The following SLC51A variants were observed in gnomAD, a reference collection of about 807,000 sequenced individuals.
SLC51A encodes the protein solute carrier family 51 member A.
In SLC51A, 22 loss-of-function variants were observed where a neutral mutation model predicts 34.8. The observed-to-expected ratio is 0.63, with a 90% confidence interval of 0.45 to 0.90. The LOEUF is 0.90. Ranked by LOEUF, SLC51A falls within the 40% of genes least tolerant of loss-of-function variation. The pLI, the probability that SLC51A is intolerant of heterozygous loss-of-function variation, is 0.00. For synonymous variants in SLC51A, 181 were observed against 176.3 expected (o/e 1.03, Z -0.21); for missense variants, 371 against 414.8 (o/e 0.89, Z 0.92).
At chr3:196,223,857 C>CT (rs10578707) in intron 2 of SLC51A, 21,842 of 328,846 alleles carry the variant, frequency 0.066, 277 homozygotes, top group South Asian at 0.1. Flanking sequence ...TTTTTAATGC[C>CT]TTTTTTTTTT....
chr3:196,220,075 C>A (rs570344834), intron 2 of SLC51A, among the ~76,000 whole-genome samples: 1 of 152,152 alleles, frequency 6.6e-6, no homozygotes, highest in African/African-American at 2.4e-5. Context: ...CCCAGGGGAG[C>A]GAGGTCTGGC....
chr3:196,216,889 TAG>T lies in SLC51A; in HGVS notation c.38+140_38+141del. ...GGACTGGAAATGCTCTAGCTGTTCC[TAG>T]GTCCTCAGGGACAACGTGGGTTTGG... is the stretch of plus-strand genomic sequence containing the variant. On this transcript the variant is annotated intron_variant, in intron 1 of 8. Coordinates refer to ENST00000296327, the MANE Select transcript of SLC51A (RefSeq NM_152672.6). The surrounding 1 kb of genome is among the most constrained non-coding windows in gnomAD (Gnocchi z 4.5). The T allele has an allele frequency of 1.0e-6, 1 of 973,980 alleles. No homozygotes were observed. 60.3% of individuals were successfully genotyped at this position (973,980 alleles called of 1,614,324 possible).
At chr3:196,223,517 G>A (rs1217797967) in intron 2 of SLC51A, among the ~76,000 whole-genome samples, 1 of 151,746 alleles carries the variant, frequency 6.6e-6, no homozygotes, top group Admixed American at 6.6e-5. Flanking sequence ...GACTGGGTTG[G>A]TGGCGTGTGA....
At chr3:196,231,581 G>A (rs1035566461) in intron 7 of SLC51A, among the ~76,000 whole-genome samples, 1 of 152,208 alleles carries the variant, frequency 6.6e-6, no homozygotes, top group African/African-American at 2.4e-5. Context: ...AATAGAGAGA[G>A]AAGTCCCCGG....
At chr3:196,220,855 G>A (rs1205758145) in intron 2 of SLC51A, among the ~76,000 whole-genome samples, 1 of 151,622 alleles carries the variant, frequency 6.6e-6, no homozygotes, top group Non-Finnish European at 1.5e-5. Context: ...CTCCTTCCTC[G>A]CTTCATTTGT....
chr3:196,232,371 CGT>C, intron 7 of SLC51A, 46 bp from the exon 8 acceptor site: 1 of 1,489,376 alleles, frequency 6.7e-7, no homozygotes, highest in Non-Finnish European at 9.4e-7. Flanking sequence ...CGTTCTGTGC[CGT>C]GAGGGCAGGC....
chr3:196,224,413 G>C (rs1421753978), intron 2 of SLC51A, among the ~76,000 whole-genome samples: 1 of 150,564 alleles, frequency 6.6e-6, no homozygotes, highest in East Asian at 2.0e-4. Context: ...CGCGGTTGTC[G>C]GCTGGACCCG....
Position 196,228,672 on chromosome 3 carries a change from C to A in SLC51A, c.522-137C>A, listed in dbSNP as rs1723955607. On this transcript the variant is annotated intron_variant, in intron 5 of 8. Transcript: ENST00000296327. The surrounding 1 kb of genome is among the most constrained non-coding windows in gnomAD (Gnocchi z 4.9). The stretch of plus-strand genomic sequence containing the variant: ...ACTCTCAACATTCTGCTTTTTTCCT[C>A]TGTCCCCATCCACTTAACCTGGTTG... 1.4e-6 allele frequency: 1 copy of A among 708,972 alleles called. No homozygotes were observed. Among genetic ancestry groups the A allele is most frequent in the South Asian group, 1.7e-5 (1 of 59,650 alleles). 43.9% of individuals were successfully genotyped at this position (708,972 alleles called of 1,614,324 possible).
Position 196,227,765 on chromosome 3 carries a change from A to G in SLC51A, c.362+28A>G, listed in dbSNP as rs772979824. On this transcript the variant is annotated intron_variant, in intron 4 of 8. Coordinates refer to ENST00000296327, the MANE Select transcript of SLC51A (RefSeq NM_152672.6). ...GAGTGCCCTGCCTCGCCCCACCTCC[A>G]AGGGCCCCTCTGCTCCCGCTCACCA... 1.9e-6 allele frequency: 3 copies of G among 1,595,788 alleles called. No homozygotes were observed. The African/African-American group carries it at 4.0e-5, about 21-fold the overall frequency.
At chr3:196,226,496 T>C (rs4916440) in intron 2 of SLC51A, 66,329 of 152,372 alleles carry the variant, frequency 0.44, 15,284 homozygotes, top group East Asian at 0.87. Context: ...GAAGTGGGGT[T>C]GGGCACGGGG....
At chr3:196,230,154 G>A (rs1012758179) in intron 7 of SLC51A, 93 bp downstream of exon 7, 34 of 1,243,370 alleles carry the variant, frequency 2.7e-5, no homozygotes, top group African/African-American at 4.6e-5. Context: ...AAAGTGGGCC[G>A]GGAATCTTTT....
rs374010092 is a variant in SLC51A at position 196,217,861 on chromosome 3, G to A, written c.58G>A (p.Glu20Lys). The A allele has an allele frequency of 3.1e-6, 5 of 1,613,602 alleles. No individual in the cohort carries two copies. Among genetic ancestry groups the A allele is most frequent in the Non-Finnish European group, 4.2e-6 (5 of 1,179,860 alleles). Residue 20 changes from glutamate (E) to lysine (K), a missense_variant, in exon 2 of 9, where the codon GAG becomes AAG. Coordinates refer to ENST00000296327, the MANE Select transcript of SLC51A (RefSeq NM_152672.6). ...LDPRYTADLL[E>K]VLKTNYGIPS... ...CGCCAGGTACACAGCAGATCTTCTG[G>A]AGGTGCTGAAGACCAATTACGGCAT...
intron 2 of SLC51A, among the ~76,000 whole-genome samples, chr3:196,225,107 G>A (rs1374824593): frequency 1.3e-5 from 2 of 150,426 alleles, no homozygotes; most frequent in Non-Finnish European, 3.0e-5. Flanking sequence ...CGGAGTAGCT[G>A]GGACCACAGG....
chr3:196,223,664 C>T (rs547906271), intron 2 of SLC51A, among the ~76,000 whole-genome samples: 2 of 150,714 alleles, frequency 1.3e-5, no homozygotes, highest in South Asian at 4.2e-4. Context: ...TGGCTTTTTC[C>T]TATCTGGACT....
Position 196,232,270 on chromosome 3 carries a change from A to C in SLC51A, c.781-149A>C, listed in dbSNP as rs1724042965. On this transcript the variant is annotated intron_variant, in intron 7 of 8. Coordinates refer to ENST00000296327, the MANE Select transcript of SLC51A (RefSeq NM_152672.6). ...TGAAAATCCCACAGATTTTTAATGA[A>C]GTGAGAGCCTCAACCCTCTGTGACT... 7.7e-5 allele frequency: 45 copies of C among 583,728 alleles called. No homozygotes were observed. The South Asian group carries it at 9.6e-4, about 12-fold the overall frequency. The allele number at this position is 583,728 out of a possible 1,614,324, so 36.2% of individuals were successfully genotyped here.
At chr3:196,223,941 C>T in intron 2 of SLC51A, 1 of 376,882 alleles carries the variant, frequency 2.7e-6, no homozygotes, top group Non-Finnish European at 5.1e-6. Context: ...CTCAATGCAA[C>T]CTCCACCTCC....
At position 196,230,010 on chromosome 3, in the gene SLC51A, C is replaced by T; in HGVS notation, c.729C>T (p.Ala243=). 1 of 1,613,922 alleles carries T rather than the reference C, an allele frequency of 6.2e-7. No homozygotes were observed. The highest frequency in any genetic ancestry group is 1.1e-5 in the South Asian group (1 of 91,030). The stretch of plus-strand genomic sequence containing the variant: ...CCCTGGGCATCATTTCCCGTCAAGC[C>T]AGGCTACACCTGGGTGAGCAGAACA... The part of the protein sequence containing the change: ...LWTLGIISRQ[A]RLHLGEQNMG... Residue 243 remains alanine, a synonymous_variant, in exon 7 of 9, where the codon GCC becomes GCT. Transcript: ENST00000296327.
At position 196,216,707 on chromosome 3, in the gene SLC51A, G is replaced by A. The variant is rs747550066; in HGVS notation, c.-6G>A. 42 of 1,567,784 alleles carry A rather than the reference G, an allele frequency of 2.7e-5. No individual in the cohort carries two copies. The highest frequency in any genetic ancestry group is 4.7e-5 in the East Asian group (2 of 42,340). ...TGCCTGCGGGATTGCTGGAGAGAAC[G>A]CGGCGATGGAGCCGGGCAGGACCCA... On this transcript the variant is annotated 5_prime_UTR_variant, in exon 1 of 9. Coordinates refer to ENST00000296327, the MANE Select transcript of SLC51A (RefSeq NM_152672.6). This position sits in a 1 kb window ranked among gnomAD's most constrained non-coding sequence, Gnocchi z 4.5.
At position 196,221,876 on chromosome 3, in the gene SLC51A, C is replaced by A. The variant is rs745981202; in HGVS notation, c.133+3940C>A. 1.3e-5 allele frequency among the ~76,000 whole-genome samples: 2 copies of A among 151,948 alleles called. 1 individual carries two copies. Among genetic ancestry groups the A allele is most frequent in the Admixed American group, 1.3e-4 (2 of 15,266 alleles). On this transcript the variant is annotated intron_variant, in intron 2 of 8. Transcript: ENST00000296327. ...GACTACAGGCGCCCGCCACCACACC[C>A]GGCTAATTTTTTGTATATTTTTTAG...
Sources: allele counts gnomAD v4.1 joint callset (sites outside exome capture counted in the v4.1 genomes callset), GRCh38; gene constraint gnomAD v4.1.1; non-coding constraint Gnocchi (gnomAD v3.1); transcripts MANE v1.5; gene names NCBI Gene and HGNC (gene_info 2026-07-23, HGNC 2026-07-21).